Variants in ANKIB1 observed in about 807,000 individuals in gnomAD.
The protein encoded by ANKIB1 is ankyrin repeat and IBR domain-containing protein 1.
Under a neutral mutation model 122.1 loss-of-function variants are expected in ANKIB1, and 43 were observed. That is an observed-to-expected ratio of 0.35 (90% CI 0.28 to 0.45). The LOEUF (loss-of-function observed/expected upper bound fraction) is 0.45. ANKIB1 is among the 20% of genes least tolerant of loss of function. The pLI is 1.00. For synonymous variants in ANKIB1, 390 were observed against 442.0 expected, an observed-to-expected ratio of 0.88 and a Z score of 1.48; for missense variants, 992 against 1,329.5, an observed-to-expected ratio of 0.75 and a Z score of 3.95.
chr7:92,359,812 TCA>T (rs1480327645), intron 9 of ANKIB1, among the ~76,000 whole-genome samples: 5 of 152,196 alleles, frequency 3.3e-5, no homozygotes, highest in Non-Finnish European at 7.3e-5. Context: ...CCGTGGCTAT[TCA>T]CAGAGTGGTA....
At chr7:92,368,546 G>A (rs536988851) in intron 10 of ANKIB1, among the ~76,000 whole-genome samples, 2 of 151,900 alleles carry the variant, frequency 1.3e-5, no homozygotes, top group Admixed American at 6.6e-5. Context: ...GTGAAACCCC[G>A]TCTCTACTAA....
chr7:92,286,730 C>T (rs1273714132), intron 1 of ANKIB1, among the ~76,000 whole-genome samples: 1 of 152,160 alleles, frequency 6.6e-6, no homozygotes, highest in Non-Finnish European at 1.5e-5. Flanking sequence ...CCTGCCTCAG[C>T]CTCCCAAAGT....
At chr7:92,345,125 A>G in intron 7 of ANKIB1, 59 bp downstream of exon 7, 1 of 1,267,242 alleles carries the variant, frequency 7.9e-7, no homozygotes. Flanking sequence ...ATTTGTTAAT[A>G]AAATTGTTTG....
At chr7:92,258,267 A>C (rs552274694) in intron 1 of ANKIB1, among the ~76,000 whole-genome samples, 1 of 152,342 alleles carries the variant, frequency 6.6e-6, no homozygotes, top group African/African-American at 2.4e-5. Flanking sequence ...ATGAAAAATA[A>C]TAAGGTTCCA....
At chr7:92,289,142 A>T (rs1030934487) in intron 1 of ANKIB1, among the ~76,000 whole-genome samples, 2 of 152,244 alleles carry the variant, frequency 1.3e-5, no homozygotes, top group Non-Finnish European at 2.9e-5. Context: ...TGATTAAACA[A>T]GTAGTGGTAT....
At chr7:92,344,724 AT>A (rs1803504993) in intron 6 of ANKIB1, among the ~76,000 whole-genome samples, 1 of 152,208 alleles carries the variant, frequency 6.6e-6, no homozygotes, top group South Asian at 2.1e-4. Context: ...TTGCTGATTA[AT>A]ACATAAATTT....
chr7:92,269,847 G>T (rs973069493), intron 1 of ANKIB1, among the ~76,000 whole-genome samples: 2 of 151,516 alleles, frequency 1.3e-5, no homozygotes, highest in African/African-American at 4.9e-5. Flanking sequence ...TGTACAGCGT[G>T]CAGGTTTGAT....
At chr7:92,315,608 T>C (rs1489660647) in intron 3 of ANKIB1, among the ~76,000 whole-genome samples, 1 of 152,182 alleles carries the variant, frequency 6.6e-6, no homozygotes, top group South Asian at 2.1e-4. Context: ...GATGATACAA[T>C]GTCAAAGATG....
rs34091044 is a variant in ANKIB1, at chr7:92,298,768, TAAAA to T, written c.188+3619_188+3622del. On this transcript the variant is annotated intron_variant, in intron 2 of 19. Transcript: ENST00000265742. Reference sequence around the variant, plus strand: ...TTCATCACTGTTAGGCACTTGCAGTTAAAAAAAAAAAAAAAAAAAAGCAGTTTCC... The same window carrying T: ...TTCATCACTGTTAGGCACTTGCAGTTAAAAAAAAAAAAAAAAGCAGTTTCC... Among the ~76,000 whole-genome samples, 32 of 117,572 alleles carry T rather than the reference TAAAA, an allele frequency of 2.7e-4. No homozygotes were observed. The South Asian group carries it at 8.0e-3, about 30-fold the overall frequency. 77.1% of individuals were successfully genotyped at this position (117,572 alleles called of 152,430 possible). A position where few individuals can be genotyped will look rare whatever the true frequency, so the allele number is the denominator to read the frequency against.
chr7:92,265,983 A>G (rs1405767514), intron 1 of ANKIB1, among the ~76,000 whole-genome samples: 2 of 152,234 alleles, frequency 1.3e-5, no homozygotes, highest in Non-Finnish European at 2.9e-5. Flanking sequence ...CCTAAAACAG[A>G]ATGAGATCAA....
intron 11 of ANKIB1, among the ~76,000 whole-genome samples, chr7:92,374,566 A>G (rs1296517967): frequency 2.0e-5 from 3 of 152,196 alleles, no homozygotes; most frequent in Non-Finnish European, 2.9e-5. Context: ...AAAGGAAATA[A>G]AAATGGACTT....
rs373771696 is a variant in ANKIB1, at chr7:92,357,028, A to T, written c.1397+4386A>T. On this transcript the variant is annotated intron_variant, in intron 9 of 19. Coordinates refer to ENST00000265742, the MANE Select transcript of ANKIB1 (RefSeq NM_019004.2). The stretch of plus-strand genomic sequence containing the variant: ...TTGAACTGAAATTGCCAACTTCTGG[A>T]TATGAATTTCTTCCATCAAGTAATA... Among the ~76,000 whole-genome samples the T allele has an allele frequency of 3.2e-4, 48 of 152,328 alleles. 1 individual carries two copies. The highest frequency in any genetic ancestry group is 9.9e-4 in the African/African-American group (41 of 41,582).
intron 11 of ANKIB1, among the ~76,000 whole-genome samples, chr7:92,380,893 G>A (rs1480753685): frequency 6.6e-6 from 1 of 152,192 alleles, no homozygotes; most frequent in Non-Finnish European, 1.5e-5. Flanking sequence ...AACAAAGCAG[G>A]ATGGAGAATG....
intron 1 of ANKIB1, among the ~76,000 whole-genome samples, chr7:92,277,998 C>A (rs1026695061): frequency 6.6e-6 from 1 of 151,682 alleles, no homozygotes; most frequent in Non-Finnish European, 1.5e-5. Flanking sequence ...GCAGGAGAAT[C>A]GCTTGAACCT....
chr7:92,394,695 T>C (rs1804850583), intron 17 of ANKIB1, among the ~76,000 whole-genome samples: 1 of 152,210 alleles, frequency 6.6e-6, no homozygotes, highest in African/African-American at 2.4e-5. Flanking sequence ...CTGTTGAGCC[T>C]TGACGACACT....
intron 15 of ANKIB1, among the ~76,000 whole-genome samples, chr7:92,390,541 A>G (rs2115707336): frequency 6.6e-6 from 1 of 152,342 alleles, no homozygotes; most frequent in East Asian, 1.9e-4. Context: ...AAAAACAAAA[A>G]CACCTAAGCC....
intron 3 of ANKIB1, 82 bp downstream of exon 3, chr7:92,307,738 GATTGT>G: frequency 2.5e-6 from 2 of 790,334 alleles, no homozygotes; most frequent in Middle Eastern, 4.3e-4. Context: ...TTTTTTTTTT[GATTGT>G]CTTAGTAATT....
chr7:92,345,759 T>G (rs1274174120), intron 7 of ANKIB1, among the ~76,000 whole-genome samples: 1 of 152,170 alleles, frequency 6.6e-6, no homozygotes. Flanking sequence ...GATATGTCAT[T>G]GGTATTTAAG....
intron 10 of ANKIB1, among the ~76,000 whole-genome samples, chr7:92,367,974 A>G (rs1804132417): frequency 6.6e-6 from 1 of 152,126 alleles, no homozygotes; most frequent in Non-Finnish European, 1.5e-5. Context: ...TGGGCAACAC[A>G]GTGAGATCCC....
Sources: gnomAD v4.1 joint callset for allele counts (sites outside exome capture counted in the v4.1 genomes callset) on GRCh38, gnomAD v4.1.1 for gene constraint, MANE v1.5 for transcripts, NCBI Gene and HGNC (gene_info 2026-07-23, HGNC 2026-07-21) for gene names.